NCAM2: variants seen among roughly 807,000 people sequenced by gnomAD.
NCAM2 encodes the protein N-CAM-2.
A neutral mutation model predicts 98.1 loss-of-function variants in NCAM2; 30 were observed. That is an observed-to-expected ratio of 0.31 (90% CI 0.23 to 0.41). The LOEUF is 0.41. Ranked by LOEUF, NCAM2 falls within the 10% of genes least tolerant of loss-of-function variation. The probability of loss-of-function intolerance (pLI) is 1.00; values close to 1 mark genes in which losing one functional copy is unlikely to be tolerated. For synonymous variants in NCAM2, 368 were observed against 342.4 expected, an observed-to-expected ratio of 1.07 and a Z score of -0.83; for missense variants, 867 against 1,005.8, an observed-to-expected ratio of 0.86 and a Z score of 1.87.
intron 15 of NCAM2, among the ~76,000 whole-genome samples, chr21:21,501,623 T>C (rs1346727733): frequency 1.3e-5 from 2 of 151,588 alleles, no homozygotes; most frequent in African/African-American, 4.8e-5. Context: ...GTTCCTTTTT[T>C]TTTTTTTGCT....
intron 1 of NCAM2, among the ~76,000 whole-genome samples, chr21:21,263,681 T>C (rs1294091028): frequency 6.6e-6 from 1 of 152,036 alleles, no homozygotes; most frequent in Admixed American, 6.6e-5. Flanking sequence ...TGAAACAGAA[T>C]AGACAATGCA....
chr21:21,362,593 A>C (rs142437870), intron 8 of NCAM2, among the ~76,000 whole-genome samples: 1 of 152,172 alleles, frequency 6.6e-6, no homozygotes, highest in Non-Finnish European at 1.5e-5. Flanking sequence ...GAATCAATGA[A>C]ATTTCATGTT....
intron 1 of NCAM2, among the ~76,000 whole-genome samples, chr21:21,210,967 A>AACACACAC (rs71195310): frequency 0.01 from 1,291 of 127,320 alleles, 22 homozygotes; most frequent in African/African-American, 0.028. Flanking sequence ...ACTCTCCCCA[A>AACACACAC]ACACACACAC....
chr21:21,186,614 T>G (rs2068648174), intron 1 of NCAM2, among the ~76,000 whole-genome samples: 1 of 152,156 alleles, frequency 6.6e-6, no homozygotes, highest in Non-Finnish European at 1.5e-5. Context: ...GTGTTTAAAA[T>G]AATTTATATT....
chr21:21,266,683 G>C (rs1385445372), intron 1 of NCAM2, among the ~76,000 whole-genome samples: 1 of 151,862 alleles, frequency 6.6e-6, no homozygotes, highest in East Asian at 1.9e-4. Context: ...AGAACTCATG[G>C]ACACAGCAAG....
chr21:21,458,381 G>A (rs112312279), intron 12 of NCAM2, among the ~76,000 whole-genome samples: 23 of 152,328 alleles, frequency 1.5e-4, no homozygotes, highest in African/African-American at 5.3e-4. Flanking sequence ...CAGAGCTGCA[G>A]GCTCAGGTCC....
intron 15 of NCAM2, among the ~76,000 whole-genome samples, chr21:21,499,740 C>CTTTTAGG (rs1987503711): frequency 6.6e-6 from 1 of 151,878 alleles, no homozygotes; most frequent in African/African-American, 2.4e-5. Context: ...ACTTGGAATT[C>CTTTTAGG]CCAAAGTACT....
intron 1 of NCAM2, among the ~76,000 whole-genome samples, chr21:21,206,809 T>TATTCAACAGGAACC (rs2069454705): frequency 6.6e-6 from 1 of 152,172 alleles, no homozygotes; most frequent in Non-Finnish European, 1.5e-5. Flanking sequence ...TGCATGCATG[T>TATTCAACAGGAACC]ATTCAACAGG....
At chr21:21,346,504 G>T (rs1251612054) in intron 8 of NCAM2, among the ~76,000 whole-genome samples, 4 of 152,006 alleles carry the variant, frequency 2.6e-5, no homozygotes, top group Non-Finnish European at 1.5e-5. Flanking sequence ...AGAAACTTCA[G>T]ATGTAATCTG....
intron 1 of NCAM2, among the ~76,000 whole-genome samples, chr21:21,239,610 A>C (rs1250812139): frequency 6.6e-6 from 1 of 152,146 alleles, no homozygotes; most frequent in Non-Finnish European, 1.5e-5. Context: ...TGATGTGTTC[A>C]TGGTCATGGA....
At chr21:21,067,460 A>G (rs1360052256) in intron 1 of NCAM2, among the ~76,000 whole-genome samples, 1 of 152,116 alleles carries the variant, frequency 6.6e-6, no homozygotes, top group Admixed American at 6.5e-5. Context: ...TCTTTTATAT[A>G]GGAATAATAT....
chr21:21,523,627 CAAT>C (rs1989156125), intron 16 of NCAM2, among the ~76,000 whole-genome samples: 1 of 151,684 alleles, frequency 6.6e-6, no homozygotes, highest in African/African-American at 2.4e-5. Context: ...TGAATGGTAA[CAAT>C]GATATAAGGG....
At chr21:21,530,195 TTA>T in intron 16 of NCAM2, among the ~76,000 whole-genome samples, 1 of 89,838 alleles carries the variant, frequency 1.1e-5, no homozygotes, top group African/African-American at 3.5e-5. Flanking sequence ...TTAATTTAAT[TTA>T]ATTATATATA....
chr21:21,268,024 C>A (rs1371987678), intron 1 of NCAM2, among the ~76,000 whole-genome samples: 1 of 152,096 alleles, frequency 6.6e-6, no homozygotes, highest in African/African-American at 2.4e-5. Flanking sequence ...ATATTCTGCT[C>A]ATTGGTTCGG....
intron 12 of NCAM2, among the ~76,000 whole-genome samples, chr21:21,453,947 CA>C (rs1374971742): frequency 5.3e-5 from 8 of 151,964 alleles, no homozygotes; most frequent in Non-Finnish European, 1.0e-4. Flanking sequence ...TCTACAATGA[CA>C]ATAGTTCAGC....
intron 1 of NCAM2, among the ~76,000 whole-genome samples, chr21:21,082,729 G>A (rs13052170): frequency 0.69 from 105,309 of 152,080 alleles, 37,734 homozygotes; most frequent in Admixed American, 0.78. Flanking sequence ...TATGTCATGT[G>A]TTTTTATGTA....
intron 14 of NCAM2, 139 bp from the exon 15 acceptor site, chr21:21,477,152 C>CT: frequency 1.9e-6 from 1 of 515,598 alleles, no homozygotes; most frequent in Non-Finnish European, 3.2e-6. Context: ...GACACAGCAA[C>CT]TTCATGTATC....
At chr21:21,257,750 T>G (rs1375136965) in intron 1 of NCAM2, among the ~76,000 whole-genome samples, 2 of 152,102 alleles carry the variant, frequency 1.3e-5, no homozygotes, top group Non-Finnish European at 2.9e-5. Flanking sequence ...GCCTGGCTAC[T>G]TTTTGTATTT....
chr21:21,288,314 A>C (rs2826766), intron 4 of NCAM2, among the ~76,000 whole-genome samples: 25,657 of 151,842 alleles, frequency 0.17, 2,286 homozygotes, highest in Non-Finnish European at 0.2. Flanking sequence ...TGAATGAATA[A>C]AATATATGGC....
Sources: allele counts gnomAD v4.1 joint callset (sites outside exome capture counted in the v4.1 genomes callset), GRCh38; gene constraint gnomAD v4.1.1; transcripts MANE v1.5; gene names NCBI Gene and HGNC (gene_info 2026-07-23, HGNC 2026-07-21).